Variants in PCLO observed in about 807,000 individuals in gnomAD.
PCLO encodes the protein piccolo presynaptic cytomatrix protein.
A neutral mutation model predicts 427.5 loss-of-function variants in PCLO; 82 were observed. The ratio of observed to expected loss-of-function variants is 0.19; its 90% CI spans 0.16 to 0.23. The LOEUF is 0.23. PCLO is among the 10% of genes least tolerant of loss of function. The pLI, the probability that PCLO is intolerant of heterozygous loss-of-function variation, is 1.00. For synonymous variants in PCLO, 2,357 were observed against 2,155.4 expected, an observed-to-expected ratio of 1.09 and a Z score of -2.59; for missense variants, 6,239 against 6,115.9, an observed-to-expected ratio of 1.02 and a Z score of -0.67.
chr7:83,014,372 GA>G (rs1354564499), intron 3 of PCLO, among the ~76,000 whole-genome samples: 3 of 152,134 alleles, frequency 2.0e-5, no homozygotes, highest in African/African-American at 7.2e-5. Flanking sequence ...TATATGTAAT[GA>G]ATAAAGCACA....
At chr7:82,776,234 C>A (rs1790746014) in intron 22 of PCLO, among the ~76,000 whole-genome samples, 1 of 152,156 alleles carries the variant, frequency 6.6e-6, no homozygotes, top group African/African-American at 2.4e-5. Context: ...AGGTAGTGGG[C>A]ATCCTTGTTG....
At chr7:82,860,377 C>G (rs113791494) in intron 10 of PCLO, among the ~76,000 whole-genome samples, 1 of 151,896 alleles carries the variant, frequency 6.6e-6, no homozygotes, top group Non-Finnish European at 1.5e-5. Flanking sequence ...TCAGTGGAAA[C>G]CTTACGGGCC....
chr7:82,891,107 T>C (rs1262455490), intron 9 of PCLO, among the ~76,000 whole-genome samples: 2 of 152,118 alleles, frequency 1.3e-5, no homozygotes, highest in Admixed American at 6.6e-5. Context: ...TGTGTTTATT[T>C]GTATGTATGC....
At chr7:83,101,296 T>TAAAC (rs1397412486) in intron 3 of PCLO, among the ~76,000 whole-genome samples, 1 of 151,722 alleles carries the variant, frequency 6.6e-6, no homozygotes, top group African/African-American at 2.4e-5. Context: ...AGTAAAGATA[T>TAAAC]AAAACAGGAA....
At chr7:82,949,320 T>C (rs1171509276) in intron 6 of PCLO, among the ~76,000 whole-genome samples, 156 bp downstream of exon 6, 1 of 151,684 alleles carries the variant, frequency 6.6e-6, no homozygotes, top group Non-Finnish European at 1.5e-5. Context: ...CACACACATA[T>C]ACACATATAT....
intron 3 of PCLO, among the ~76,000 whole-genome samples, chr7:83,076,123 T>TAA (rs3039471): frequency 6.7e-6 from 1 of 148,374 alleles, no homozygotes. Flanking sequence ...TTCTTGGATT[T>TAA]AAAAAAAAAA....
intron 3 of PCLO, among the ~76,000 whole-genome samples, chr7:83,017,573 C>A (rs771418107): frequency 6.6e-6 from 1 of 151,844 alleles, no homozygotes; most frequent in Non-Finnish European, 1.5e-5. Context: ...AAGAGATAAA[C>A]CTAGATTTAT....
Position 83,162,525 on chromosome 7 carries a change from C to T in PCLO, c.68G>A (p.Gly23Glu). ...PEGLAAAAAA[G>E]GGASGAGSPS... ...GCTCCCCGCCCCGCTAGCTCCTCCT[C>T]CAGCCGCTGCGGCCGCCGCCAGCCC... The change falls in exon 1 of 25, where the codon GGA (glycine) becomes GAA (glutamate). Residue 23 changes from glycine to glutamate, a missense_variant. Physicochemically the swap from Gly to Glu is moderately conservative, Grantham distance 98 (BLOSUM62 -2). This residue lies in a region of PCLO where 4,677 missense variants were observed against 4,468.4 expected (regional missense o/e 1.05). Transcript: ENST00000333891. The T allele has an allele frequency of 6.4e-7, 1 of 1,556,786 alleles. No individual in the cohort carries two copies. The highest frequency in any genetic ancestry group is 1.9e-5 in the Admixed American group (1 of 52,180).
At chr7:82,828,532 T>C (rs1219287703) in intron 16 of PCLO, among the ~76,000 whole-genome samples, 1 of 152,214 alleles carries the variant, frequency 6.6e-6, no homozygotes, top group Non-Finnish European at 1.5e-5. Flanking sequence ...TTTTGGTTTA[T>C]GTCAATATGC....
Position 82,815,527 on chromosome 7 carries a change from T to C in PCLO, c.14791+6968A>G, listed in dbSNP as rs544705015. ...TTTTATAAAAAGAATCAGATAAAAA[T>C]ACAGTGTGATCTATAGAACTTGAAA... is the stretch of plus-strand genomic sequence containing the variant. On this transcript the variant is annotated intron_variant, in intron 20 of 24. Coordinates refer to ENST00000333891, the MANE Select transcript of PCLO (RefSeq NM_033026.6). 1.1e-4 allele frequency among the ~76,000 whole-genome samples: 16 copies of C among 152,262 alleles called. No homozygotes were observed. In the South Asian group the frequency reaches 3.1e-3, roughly 30 times the overall value.
At chr7:83,011,535 A>G (rs1788076743) in intron 3 of PCLO, among the ~76,000 whole-genome samples, 1 of 151,936 alleles carries the variant, frequency 6.6e-6, no homozygotes, top group Admixed American at 6.6e-5. Context: ...TGAGGAACTT[A>G]CAAATAAATA....
At chr7:82,900,762 T>C (rs559648731) in intron 9 of PCLO, among the ~76,000 whole-genome samples, 4 of 151,886 alleles carry the variant, frequency 2.6e-5, no homozygotes, top group Admixed American at 2.0e-4. Context: ...CTTATAGATA[T>C]TTTAATATTA....
intron 10 of PCLO, among the ~76,000 whole-genome samples, chr7:82,855,857 A>C (rs1341253633): frequency 1.3e-5 from 2 of 151,576 alleles, no homozygotes; most frequent in Non-Finnish European, 2.9e-5. Flanking sequence ...TGGTGGTTGG[A>C]GGTTCCAAAG....
intron 3 of PCLO, among the ~76,000 whole-genome samples, chr7:82,987,393 G>A (rs73161207): frequency 0.022 from 3,399 of 152,022 alleles, 57 homozygotes; most frequent in Middle Eastern, 0.041. Context: ...TAGTATGTCA[G>A]ATATAAATGG....
At chr7:82,803,830 T>A (rs988413149) in intron 21 of PCLO, among the ~76,000 whole-genome samples, 1 of 152,154 alleles carries the variant, frequency 6.6e-6, no homozygotes, top group African/African-American at 2.4e-5. Context: ...AAAGTAAATA[T>A]TCGTTGTGCT....
In PCLO at chr7:82,920,477, T is replaced by C. The variant is rs999322881; in HGVS notation, c.11113-3604A>G. Among the ~76,000 whole-genome samples the C allele has an allele frequency of 6.0e-5, 9 of 151,252 alleles. No individual in the cohort carries two copies. In the South Asian group the frequency reaches 8.3e-4, roughly 14 times the overall value. The stretch of plus-strand genomic sequence containing the variant: ...AAGTATTTTAAAATACCTGTGAAAA[T>C]AGACAAAGAGAAGGGAATAAAAAGC... On this transcript the variant is annotated intron_variant, in intron 6 of 24. Transcript: ENST00000333891.
chr7:82,978,894 A>G (rs927910243), intron 3 of PCLO, among the ~76,000 whole-genome samples: 1 of 128,664 alleles, frequency 7.8e-6, no homozygotes, highest in East Asian at 2.5e-4. Context: ...ACACACACAC[A>G]CTCCACAAAA....
chr7:83,081,985 G>C (rs975409190), intron 3 of PCLO, among the ~76,000 whole-genome samples: 2 of 151,342 alleles, frequency 1.3e-5, no homozygotes, highest in Non-Finnish European at 3.0e-5. Flanking sequence ...CATTAAACGG[G>C]AACAAGAAAT....
intron 3 of PCLO, among the ~76,000 whole-genome samples, chr7:82,978,139 AT>A (rs908565655): frequency 1.1e-4 from 17 of 149,026 alleles, no homozygotes; most frequent in Middle Eastern, 7.0e-3. Flanking sequence ...CTCACCTGTC[AT>A]TTTTTTTTTA....
Sources: allele counts gnomAD v4.1 joint callset (sites outside exome capture counted in the v4.1 genomes callset), GRCh38; gene constraint gnomAD v4.1.1; regional missense constraint gnomAD v4.1.1; transcripts MANE v1.5; gene names NCBI Gene and HGNC (gene_info 2026-07-23, HGNC 2026-07-21).